LAMA3: variants seen among roughly 807,000 people sequenced by gnomAD.
LAMA3 encodes laminin subunit alpha 3, also known as laminin subunit alpha-3.
Under a neutral mutation model 402.0 loss-of-function variants are expected in LAMA3, and 281 were observed. The observed-to-expected ratio is 0.70, with a 90% confidence interval of 0.63 to 0.77. The LOEUF is 0.77. LAMA3 is among the 30% of genes least tolerant of loss of function. The pLI is 0.00. For missense variants in LAMA3, 3,840 were observed against 4,215.5 expected (o/e 0.91, Z 2.47); for synonymous variants, 1,431 against 1,558.4 (o/e 0.92, Z 1.93).
At chr18:23,737,230 A>G (rs921823964) in intron 2 of LAMA3, among the ~76,000 whole-genome samples, 11 of 152,098 alleles carry the variant, frequency 7.2e-5, no homozygotes, top group African/African-American at 2.7e-4. Context: ...TCCCTGCCCT[A>G]GTTCCCAGCA....
rs909578669 is a variant in LAMA3 at position 23,884,872 on chromosome 18, C to T, written c.5303+19C>T. On this transcript the variant is annotated intron_variant, in intron 41 of 74. Coordinates refer to ENST00000313654, the MANE Select transcript of LAMA3 (RefSeq NM_198129.4). ...GTGAAAGGTAAGGTGGGCGCCCCTC[C>T]CGCCTCAGCCTGCAGAGGGGGCGGG... 1.7e-5 allele frequency: 27 copies of T among 1,593,262 alleles called. No individual in the cohort carries two copies. Among genetic ancestry groups the T allele is most frequent in the Non-Finnish European group, 2.2e-5 (26 of 1,165,436 alleles).
At chr18:23,702,623 A>G (rs2060811463) in intron 1 of LAMA3, among the ~76,000 whole-genome samples, 1 of 152,202 alleles carries the variant, frequency 6.6e-6, no homozygotes, top group Admixed American at 6.5e-5. Context: ...CACCACGCCT[A>G]GCTTAAAAAT....
At chr18:23,773,354 T>G in intron 8 of LAMA3, 143 bp from the exon 9 acceptor site, 1 of 722,022 alleles carries the variant, frequency 1.4e-6, no homozygotes. Flanking sequence ...AGGTCAAGAT[T>G]AATGCTTTTT....
At chr18:23,911,921 TATA>T (rs1568333971) in intron 55 of LAMA3, among the ~76,000 whole-genome samples, 1 of 145,838 alleles carries the variant, frequency 6.9e-6, no homozygotes, top group Admixed American at 6.9e-5. Context: ...TGCATTTTAA[TATA>T]ATATATAAAA....
At chr18:23,825,621 T>G (rs1217966298) in intron 21 of LAMA3, among the ~76,000 whole-genome samples, 1 of 152,044 alleles carries the variant, frequency 6.6e-6, no homozygotes, top group African/African-American at 2.4e-5. Flanking sequence ...CTGCTCTTCT[T>G]GCATCTTCTT....
intron 60 of LAMA3, 44 bp downstream of exon 60, chr18:23,916,739 C>T (rs1419289997): frequency 6.3e-7 from 1 of 1,598,748 alleles, no homozygotes; most frequent in African/African-American, 1.3e-5. Flanking sequence ...TATATTCATT[C>T]TGTTTAGCAA....
intron 67 of LAMA3, 85 bp downstream of exon 67, chr18:23,934,020 G>A: frequency 1.5e-6 from 2 of 1,333,720 alleles, no homozygotes; most frequent in Non-Finnish European, 2.2e-6. Flanking sequence ...TGGGGAAGGG[G>A]GTGAGAGCTC....
intron 2 of LAMA3, among the ~76,000 whole-genome samples, chr18:23,721,736 G>A (rs979413198): frequency 4.6e-5 from 7 of 152,036 alleles, no homozygotes; most frequent in African/African-American, 1.7e-4. Flanking sequence ...CTGCACTATT[G>A]TAGTGGAACC....
intron 42 of LAMA3, among the ~76,000 whole-genome samples, chr18:23,891,234 CAT>C (rs1374390431): frequency 1.3e-5 from 2 of 152,144 alleles, no homozygotes; most frequent in Non-Finnish European, 2.9e-5. Flanking sequence ...ACTCAGAGAA[CAT>C]ATAGTGAGGC....
Position 23,954,765 on chromosome 18 carries a change from A to G in LAMA3, c.*117A>G, listed in dbSNP as rs1347355792. 4 of 1,108,542 alleles carry G rather than the reference A, an allele frequency of 3.6e-6. No homozygotes were observed. The South Asian group carries it at 3.8e-5, about 10-fold the overall frequency. 68.7% of individuals were successfully genotyped at this position (1,108,542 alleles called of 1,614,324 possible). On this transcript the variant is annotated 3_prime_UTR_variant, in exon 75 of 75. Coordinates refer to ENST00000313654, the MANE Select transcript of LAMA3 (RefSeq NM_198129.4). ...AGGACACAAACCAGACAGGTTTAAT[A>G]GCGAATCTAATTTTGAATTCTGACC...
At chr18:23,790,087 G>T (rs2062620940) in intron 12 of LAMA3, among the ~76,000 whole-genome samples, 1 of 152,220 alleles carries the variant, frequency 6.6e-6, no homozygotes, top group African/African-American at 2.4e-5. Flanking sequence ...GTAGATAGTT[G>T]CAGGGTGGTG....
chr18:23,815,079 G>A (rs2063149329), intron 15 of LAMA3, 109 bp from the exon 16 acceptor site: 2 of 934,630 alleles, frequency 2.1e-6, no homozygotes, highest in African/African-American at 1.6e-5. Context: ...GTTGAACTGC[G>A]CTGGCAAGGC....
intron 60 of LAMA3, 91 bp from the exon 61 acceptor site, chr18:23,920,843 GC>G: frequency 6.8e-7 from 1 of 1,480,404 alleles, no homozygotes; most frequent in Non-Finnish European, 9.4e-7. Context: ...GAAGCTGAGA[GC>G]AGGGGGGTCT....
At chr18:23,843,087 G>A (rs971018902) in intron 29 of LAMA3, among the ~76,000 whole-genome samples, 16 of 151,870 alleles carry the variant, frequency 1.1e-4, no homozygotes, top group African/African-American at 1.7e-4. Context: ...TTTCTCTAGC[G>A]CTCCTTGGGT....
chr18:23,855,225 C>T (rs529215195), intron 32 of LAMA3, among the ~76,000 whole-genome samples: 1 of 152,328 alleles, frequency 6.6e-6, no homozygotes, highest in African/African-American at 2.4e-5. Flanking sequence ...AACGTTCAGA[C>T]CTTGGGATGC....
intron 29 of LAMA3, among the ~76,000 whole-genome samples, chr18:23,844,269 C>T (rs954037794): frequency 1.3e-5 from 2 of 152,238 alleles, no homozygotes; most frequent in Non-Finnish European, 1.5e-5. Flanking sequence ...TATACTGGCA[C>T]AGAGAACCAA....
intron 56 of LAMA3, among the ~76,000 whole-genome samples, chr18:23,913,704 C>G (rs1357977549): frequency 6.6e-6 from 1 of 152,148 alleles, no homozygotes; most frequent in Non-Finnish European, 1.5e-5. Flanking sequence ...CTCTTCCATG[C>G]TTCAAGAGGT....
intron 1 of LAMA3, among the ~76,000 whole-genome samples, chr18:23,700,350 G>A (rs984522518): frequency 6.6e-6 from 1 of 152,068 alleles, no homozygotes; most frequent in African/African-American, 2.4e-5. Flanking sequence ...GGAAAATAGC[G>A]AGAGAAGTAG....
At chr18:23,690,832 A>C (rs2060572370) in intron 1 of LAMA3, among the ~76,000 whole-genome samples, 1 of 150,450 alleles carries the variant, frequency 6.6e-6, no homozygotes, top group Admixed American at 6.6e-5. Context: ...GCTGAAATGC[A>C]ATGGTGCGAT....
Sources: gnomAD v4.1 joint callset for allele counts (sites outside exome capture counted in the v4.1 genomes callset) on GRCh38, gnomAD v4.1.1 for gene constraint, MANE v1.5 for transcripts, NCBI Gene and HGNC (gene_info 2026-07-23, HGNC 2026-07-21) for gene names.